Variants in SLC2A14 observed in about 807,000 individuals in gnomAD.
The protein encoded by SLC2A14 is solute carrier family 2 member 14, also known as solute carrier family 2, facilitated glucose transporter member 14.
In SLC2A14, 13 loss-of-function variants were observed where a neutral mutation model predicts 43.0. That is an observed-to-expected ratio of 0.30 (90% CI 0.20 to 0.48). SLC2A14 has a LOEUF of 0.48. Ranked by LOEUF, SLC2A14 falls within the 20% of genes least tolerant of loss-of-function variation. The pLI is 0.99. For synonymous variants in SLC2A14, 190 were observed against 233.8 expected, an observed-to-expected ratio of 0.81 and a Z score of 1.71; for missense variants, 428 against 620.4, an observed-to-expected ratio of 0.69 and a Z score of 3.29.
At position 7,814,324 on chromosome 12, in the gene SLC2A14, T is replaced by C. The variant is rs776180649; in HGVS notation, c.1486A>G (p.Asn496Asp). Residue 496 changes from asparagine (N) to aspartate (D), a missense_variant, in exon 11 of 11, where the codon AAT (asparagine) becomes GAT (aspartate). Asn to Asp is a conservative substitution (Grantham distance 23). Coordinates refer to ENST00000431042, the MANE Select transcript of SLC2A14 (RefSeq NM_001286234.2). ...GTGGAAGGAGGCATGACTTAGACAT[T>C]GGTGGTGGTCTCCTTAGCAGGCTCG... The part of the protein sequence containing the change: ...SIEPAKETTT[N>D]V 35 of 1,602,370 alleles carry C rather than the reference T, an allele frequency of 2.2e-5. No homozygotes were observed. The highest frequency in any genetic ancestry group is 2.9e-5 in the Non-Finnish European group (34 of 1,174,198).
chr12:7,877,667 C>T (rs1442040300), upstream of SLC2A14, among the ~76,000 whole-genome samples: 2 of 152,016 alleles, frequency 1.3e-5, no homozygotes, highest in East Asian at 1.9e-4. Context: ...TCGGGTGATC[C>T]GCCCGCCTCG....
upstream of SLC2A14, chr12:7,873,191 G>A: frequency 1.0e-6 from 1 of 985,522 alleles, no homozygotes; most frequent in Non-Finnish European, 1.2e-6. Flanking sequence ...AACAGTTTTG[G>A]GACCCACCAC....
chr12:7,814,058 C>T lies in SLC2A14; in HGVS notation c.*258G>A, dbSNP rs542684494. 38 of 464,634 alleles carry T rather than the reference C, an allele frequency of 8.2e-5. No homozygotes were observed. Among genetic ancestry groups the T allele is most frequent in the East Asian group, 2.0e-4 (5 of 25,124 alleles). The allele number at this position is 464,634 out of a possible 1,614,324, so 28.8% of individuals were successfully genotyped here. A position where few individuals can be genotyped will look rare whatever the true frequency, so the allele number is the denominator to read the frequency against. ...GCTGGCAAAGTTGTCATGTGCCAAG[C>T]GGCCAATCCCTCCTGAAATGAAGGT... On this transcript the variant is annotated 3_prime_UTR_variant, in exon 11 of 11. Coordinates refer to ENST00000431042, the MANE Select transcript of SLC2A14 (RefSeq NM_001286234.2).
intron 1 of SLC2A14, among the ~76,000 whole-genome samples, chr12:7,888,254 A>G (rs1254614406): frequency 2.0e-5 from 3 of 152,074 alleles, no homozygotes; most frequent in Middle Eastern, 3.2e-3. Flanking sequence ...CCTTTTGGCA[A>G]GAGAAACAGG....
rs1200703968 is a variant in SLC2A14, at chr12:7,814,050, G to A, written c.*266C>T. 19 of 447,048 alleles carry A rather than the reference G, an allele frequency of 4.3e-5. No individual in the cohort carries two copies. Among genetic ancestry groups the A allele is most frequent in the Non-Finnish European group, 6.8e-5 (17 of 250,424 alleles). 27.7% of individuals were successfully genotyped at this position (447,048 alleles called of 1,614,324 possible). On this transcript the variant is annotated 3_prime_UTR_variant, in exon 11 of 11. Transcript: ENST00000431042. Reference sequence around the variant, plus strand: ...GAGGAAAAGCTGGCAAAGTTGTCATGTGCCAAGCGGCCAATCCCTCCTGAA... The same window carrying A: ...GAGGAAAAGCTGGCAAAGTTGTCATATGCCAAGCGGCCAATCCCTCCTGAA...
chr12:7,866,773 A>G (rs753446394), intron 2 of SLC2A14, among the ~76,000 whole-genome samples: 1 of 152,310 alleles, frequency 6.6e-6, no homozygotes, highest in East Asian at 1.9e-4. Flanking sequence ...AGCTGTCCCT[A>G]TAACTTAAAA....
At chr12:7,889,795 C>G (rs1223002857) in intron 1 of SLC2A14, among the ~76,000 whole-genome samples, 1 of 152,148 alleles carries the variant, frequency 6.6e-6, no homozygotes, top group Non-Finnish European at 1.5e-5. Flanking sequence ...CTTGGCCTCC[C>G]AAAGTGCTGG....
Position 7,872,008 on chromosome 12 carries a change from T to G in SLC2A14, c.-58+799A>C, listed in dbSNP as rs1029639451. ...AAAAAAAAAGTAAGGTACTATTTAT[T>G]TATCTGTAAAATTAACTCAGATTAA... On this transcript the variant is annotated intron_variant, in intron 1 of 10. Transcript: ENST00000431042. 8.3e-6 allele frequency: 5 copies of G among 599,134 alleles called. No homozygotes were observed. The African/African-American group carries it at 1.0e-4, about 12-fold the overall frequency. 37.1% of individuals were successfully genotyped at this position (599,134 alleles called of 1,614,324 possible). A position where few individuals can be genotyped will look rare whatever the true frequency, so the allele number is the denominator to read the frequency against.
In SLC2A14 at chr12:7,879,337, A is replaced by AAC. The variant is rs1322238544; in HGVS notation, c.132+11658_132+11659insGT. Among the ~76,000 whole-genome samples, 5 of 109,532 alleles carry AAC rather than the reference A, an allele frequency of 4.6e-5. No individual in the cohort carries two copies. The South Asian group carries it at 9.1e-4, about 20-fold the overall frequency. 71.9% of individuals were successfully genotyped at this position (109,532 alleles called of 152,430 possible). A position where few individuals can be genotyped will look rare whatever the true frequency, so the allele number is the denominator to read the frequency against. On this transcript the variant is annotated intron_variant, in intron 1 of 9. Transcript: ENST00000539924. The stretch of plus-strand genomic sequence containing the variant: ...AAAAAAAACAAACAACAACAAAAAA[A>AAC]AACAAAAGTTGCACCCCAGCCTGGA...
chr12:7,869,054 G>T (rs943812661), intron 2 of SLC2A14, among the ~76,000 whole-genome samples: 4 of 151,508 alleles, frequency 2.6e-5, no homozygotes, highest in Non-Finnish European at 5.9e-5. Context: ...TGAGGCAGAA[G>T]AATCGTTTGA....
chr12:7,870,405 G>A (rs936718301), intron 1 of SLC2A14, among the ~76,000 whole-genome samples: 3 of 152,126 alleles, frequency 2.0e-5, no homozygotes, highest in Admixed American at 6.6e-5. Flanking sequence ...CTGCTTCAGT[G>A]AGCCACAGTG....
upstream of SLC2A14, among the ~76,000 whole-genome samples, chr12:7,875,171 A>AAATTAAATATATATAT (rs1565585681): frequency 1.2e-3 from 13 of 10,670 alleles, no homozygotes; most frequent in Non-Finnish European, 3.5e-3. Flanking sequence ...TATATATTTA[A>AAATTAAATATATATAT]TTATATATAA....
At chr12:7,875,736 G>C (rs372048878), upstream of SLC2A14, among the ~76,000 whole-genome samples, 6 of 152,068 alleles carry the variant, frequency 3.9e-5, 1 homozygote, top group South Asian at 1.2e-3. Flanking sequence ...ACTTTGAAAG[G>C]CCGAAGCAGG....
At chr12:7,833,252 C>T (rs1222566633) in intron 2 of SLC2A14, among the ~76,000 whole-genome samples, 1 of 152,130 alleles carries the variant, frequency 6.6e-6, no homozygotes, top group Non-Finnish European at 1.5e-5. Flanking sequence ...TCCACGGAAG[C>T]CCAGTGGTGG....
At chr12:7,845,075 C>A (rs1256235713) in intron 2 of SLC2A14, among the ~76,000 whole-genome samples, 1 of 152,070 alleles carries the variant, frequency 6.6e-6, no homozygotes, top group Non-Finnish European at 1.5e-5. Context: ...ACTGCATTTT[C>A]TGATCCCTAG....
At chr12:7,857,393 G>A (rs750468327) in intron 2 of SLC2A14, among the ~76,000 whole-genome samples, 8 of 151,896 alleles carry the variant, frequency 5.3e-5, no homozygotes, top group Non-Finnish European at 7.4e-5. Flanking sequence ...GTTTGAGACC[G>A]GCCTGACCAA....
At chr12:7,868,623 G>A (rs1945049670) in intron 2 of SLC2A14, among the ~76,000 whole-genome samples, 1 of 152,120 alleles carries the variant, frequency 6.6e-6, no homozygotes, top group Admixed American at 6.6e-5. Flanking sequence ...GTGAATAAAT[G>A]AGTCATGAAG....
chr12:7,883,263 CTTTTTTTTTTTTTT>C, intron 1 of SLC2A14, among the ~76,000 whole-genome samples: 1 of 108,426 alleles, frequency 9.2e-6, no homozygotes, highest in Admixed American at 1.0e-4. Context: ...TTCTTTCTTT[CTTTTTTTTTTTTTT>C]TTTTTTTTGA....
Position 7,829,943 on chromosome 12 carries a change from A to G in SLC2A14, c.336T>C (p.Cys112=). 2.5e-6 allele frequency: 4 copies of G among 1,614,200 alleles called. 1 individual carries two copies. The highest frequency in any genetic ancestry group is 1.7e-6 in the Non-Finnish European group (2 of 1,180,040). The change falls in exon 5 of 11, where the codon TGT becomes TGC. Residue 112 remains cysteine, a synonymous_variant. Coordinates refer to ENST00000431042, the MANE Select transcript of SLC2A14 (RefSeq NM_001286234.2). ...GCATTTCAACTGACTCAGCTATTTTACACAGTCCCATAAGGCAGCCACCAG... is the reference window on the plus strand; with the variant it reads ...GCATTTCAACTGACTCAGCTATTTTGCACAGTCCCATAAGGCAGCCACCAG... The part of the protein sequence containing the change: ...AATGGCLMGL[C]KIAESVEMLI...
Sources: allele counts gnomAD v4.1 joint callset (sites outside exome capture counted in the v4.1 genomes callset), GRCh38; gene constraint gnomAD v4.1.1; transcripts MANE v1.5; gene names NCBI Gene and HGNC (gene_info 2026-07-23, HGNC 2026-07-21).